The following LONP2 variants were observed in gnomAD, a reference collection of about 807,000 sequenced individuals.
The protein encoded by LONP2 is lon protease homolog 2, peroxisomal.
LONP2 carries 60 observed loss-of-function variants against 85.6 expected under a neutral mutation model. That is an observed-to-expected ratio of 0.70 (90% CI 0.57 to 0.87). The LOEUF (loss-of-function observed/expected upper bound fraction) is 0.87. LONP2 is among the 40% of genes least tolerant of loss of function. The probability of loss-of-function intolerance (pLI) is 0.00; values close to 1 mark genes in which losing one functional copy is unlikely to be tolerated. For synonymous variants in LONP2, 395 were observed against 389.7 expected (o/e 1.01, Z -0.16); for missense variants, 860 against 1,063.5 (o/e 0.81, Z 2.66).
rs766091686 is a variant in LONP2 at position 48,252,131 on chromosome 16, G to T, written c.234G>T (p.Arg78Ser). 6.4e-7 allele frequency: 1 copy of T among 1,558,300 alleles called. No homozygotes were observed. Among genetic ancestry groups the T allele is most frequent in the South Asian group, 1.2e-5 (1 of 83,300 alleles). The change falls in exon 2 of 15, where the codon AGG (arginine) becomes AGT (serine). Residue 78 changes from arginine (R) to serine (S), a missense_variant and splice_region_variant. By Grantham distance (110) the Arg-to-Ser change is moderately radical. This residue lies in a region of LONP2 where 743 missense variants were observed against 917.3 expected (regional missense o/e 0.81). Coordinates refer to ENST00000285737, the MANE Select transcript of LONP2 (RefSeq NM_031490.5). ...SDAQDLPPLH[R>S]IGTAALAVQV... The stretch of plus-strand genomic sequence containing the variant: ...TACCGATGTTTTGTGTGTTTTTCAG[G>T]ATTGGCACAGCTGCACTGGCCGTTC...
chr16:48,357,606 G>A (rs144410153), downstream of LONP2, among the ~76,000 whole-genome samples: 2 of 152,238 alleles, frequency 1.3e-5, no homozygotes, highest in African/African-American at 4.8e-5. Context: ...TGACCCCCCA[G>A]GTATGTTGGA....
At chr16:48,321,026 C>T (rs578039685) in intron 11 of LONP2, among the ~76,000 whole-genome samples, 14 of 152,248 alleles carry the variant, frequency 9.2e-5, no homozygotes, top group African/African-American at 3.4e-4. Flanking sequence ...CTCCACCTCA[C>T]GGGCTTAAGC....
chr16:48,257,170 G>A (rs1971777248), intron 3 of LONP2, among the ~76,000 whole-genome samples: 2 of 152,074 alleles, frequency 1.3e-5, no homozygotes, highest in Non-Finnish European at 2.9e-5. Context: ...AATTAGCTGG[G>A]CGTGGTGGTG....
At chr16:48,315,024 GA>G (rs1436785238) in intron 11 of LONP2, among the ~76,000 whole-genome samples, 1 of 152,114 alleles carries the variant, frequency 6.6e-6, no homozygotes, top group Non-Finnish European at 1.5e-5. Context: ...GACCTCCTGG[GA>G]AATGCTGAAT....
At chr16:48,244,888 T>G (rs192727517) in intron 1 of LONP2, among the ~76,000 whole-genome samples, 46 of 152,354 alleles carry the variant, frequency 3.0e-4, no homozygotes, top group African/African-American at 1.0e-3. Flanking sequence ...TTGAATCCTC[T>G]TCCCCCTCTC....
chr16:48,293,439 A>G (rs1330820216), intron 8 of LONP2, among the ~76,000 whole-genome samples: 2 of 152,066 alleles, frequency 1.3e-5, no homozygotes, highest in Non-Finnish European at 2.9e-5. Context: ...AAAAAAAAAG[A>G]ATAGATTTTT....
At position 48,256,715 on chromosome 16, in the gene LONP2, C is replaced by T. The variant is rs1343773675; in HGVS notation, c.574C>T (p.Arg192Ter). 10 of 1,613,704 alleles carry T rather than the reference C, an allele frequency of 6.2e-6. No homozygotes were observed. The highest frequency in any genetic ancestry group is 4.5e-5 in the East Asian group (2 of 44,836). The change falls in exon 3 of 15, where the codon CGA (arginine) becomes TGA (stop). Residue 192 changes from arginine to a stop codon, truncating the protein, a stop_gained. Transcript: ENST00000285737. LOFTEE classifies it high-confidence loss of function. ...ALPDILTSII[R>*]TSNKEKLQIL... The stretch of plus-strand genomic sequence containing the variant: ...ACCAGACATCTTGACATCAATTATC[C>T]GAACAAGCAACAAAGAGAAACTCCA...
intron 11 of LONP2, among the ~76,000 whole-genome samples, chr16:48,331,826 A>G (rs1012622684): frequency 6.6e-6 from 1 of 152,188 alleles, no homozygotes; most frequent in Non-Finnish European, 1.5e-5. Flanking sequence ...GGCCTCCCAA[A>G]GTGCTGGGAT....
intron 14 of LONP2, among the ~76,000 whole-genome samples, chr16:48,349,353 C>T (rs917913491): frequency 6.6e-6 from 1 of 152,172 alleles, no homozygotes; most frequent in Non-Finnish European, 1.5e-5. Flanking sequence ...TCACTGCAAC[C>T]TCTGCCTCCC....
At chr16:48,279,500 C>T (rs1972281766) in intron 8 of LONP2, among the ~76,000 whole-genome samples, 1 of 152,004 alleles carries the variant, frequency 6.6e-6, no homozygotes, top group Non-Finnish European at 1.5e-5. Flanking sequence ...TGATTGGGGT[C>T]GGGGGTATCA....
rs1220134923 is a variant in LONP2, at chr16:48,335,854, A to G, written c.1938+1496A>G. Among the ~76,000 whole-genome samples the G allele has an allele frequency of 2.0e-5, 3 of 152,240 alleles. No individual in the cohort carries two copies. In the South Asian group the frequency reaches 6.2e-4, roughly 31 times the overall value. ...AGTAAATCTGGACTTGAACAATAGA[A>G]TCAGAAGCATTGTTTTGATTATTTG... On this transcript the variant is annotated intron_variant, in intron 12 of 14. Transcript: ENST00000285737.
At chr16:48,298,726 T>G (rs1972733237) in intron 9 of LONP2, among the ~76,000 whole-genome samples, 2 of 151,376 alleles carry the variant, frequency 1.3e-5, no homozygotes, top group South Asian at 4.2e-4. Context: ...TATTTGAAAT[T>G]TCAGAGGATT....
At chr16:48,298,204 T>C (rs1183827303) in intron 9 of LONP2, among the ~76,000 whole-genome samples, 1 of 152,184 alleles carries the variant, frequency 6.6e-6, no homozygotes, top group Non-Finnish European at 1.5e-5. Flanking sequence ...GATTTAGCTG[T>C]CCGATCTTCT....
chr16:48,296,744 G>C (rs1972681509), intron 9 of LONP2, among the ~76,000 whole-genome samples: 1 of 149,596 alleles, frequency 6.7e-6, no homozygotes, highest in Non-Finnish European at 1.5e-5. Context: ...AAAAAAAAGA[G>C]TAACTGAACT....
rs16946107 is a variant in LONP2, at chr16:48,339,821, G to C, written c.1938+5463G>C. ...TAACGTGTGTGAGCTGCACAAGAGA[G>C]GAGTGAAGTTAGGGCAGAGCTGCTG... On this transcript the variant is annotated intron_variant, in intron 12 of 14. Coordinates refer to ENST00000285737, the MANE Select transcript of LONP2 (RefSeq NM_031490.5). Among the ~76,000 whole-genome samples the C allele has an allele frequency of 1.2e-3, 184 of 152,182 alleles. 3 individuals are homozygous for C. The East Asian group carries it at 0.031, about 26-fold the overall frequency.
At position 48,299,871 on chromosome 16, in the gene LONP2, A is replaced by C. The variant is rs1298919198; in HGVS notation, c.1661+83A>C. ...GTTACCAAACAGGACATAGAGTATC[A>C]ATATTTGAGTTTTTCATCTTTTGAG... On this transcript the variant is annotated intron_variant, in intron 10 of 14. Coordinates refer to ENST00000285737, the MANE Select transcript of LONP2 (RefSeq NM_031490.5). 12 of 1,393,704 alleles carry C rather than the reference A, an allele frequency of 8.6e-6. No homozygotes were observed. In the East Asian group the frequency reaches 2.9e-4, roughly 34 times the overall value. The allele number at this position is 1,393,704 out of a possible 1,614,324, so 86.3% of individuals were successfully genotyped here.
At chr16:48,320,769 A>G (rs1189424148) in intron 11 of LONP2, among the ~76,000 whole-genome samples, 1 of 152,232 alleles carries the variant, frequency 6.6e-6, no homozygotes, top group Non-Finnish European at 1.5e-5. Context: ...GCCTGGTTTA[A>G]GAGAGACTTG....
intron 14 of LONP2, among the ~76,000 whole-genome samples, 168 bp downstream of exon 14, chr16:48,348,458 AAG>A (rs1159983823): frequency 1.3e-5 from 2 of 151,592 alleles, no homozygotes; most frequent in African/African-American, 4.8e-5. Flanking sequence ...GATCAAATAA[AAG>A]AAAAACTGAC....
At chr16:48,285,124 G>A (rs563008065) in intron 8 of LONP2, among the ~76,000 whole-genome samples, 6 of 151,358 alleles carry the variant, frequency 4.0e-5, no homozygotes, top group Admixed American at 6.6e-5. Context: ...ATAGAATTTG[G>A]GTTGACAATT....
Sources: allele counts gnomAD v4.1 joint callset (sites outside exome capture counted in the v4.1 genomes callset), GRCh38; gene constraint gnomAD v4.1.1; regional missense constraint gnomAD v4.1.1; transcripts MANE v1.5; gene names NCBI Gene and HGNC (gene_info 2026-07-23, HGNC 2026-07-21).